Variants in NR5A2 observed in about 807,000 individuals in gnomAD.
The protein encoded by NR5A2 is CYP7A promoter-binding factor.
NR5A2 carries 26 observed loss-of-function variants against 62.7 expected under a neutral mutation model. The ratio of observed to expected loss-of-function variants is 0.41; its 90% confidence interval spans 0.30 to 0.58. The LOEUF is 0.58. Ranked by LOEUF, NR5A2 falls within the 20% of genes least tolerant of loss-of-function variation. The pLI, the probability that NR5A2 is intolerant of heterozygous loss-of-function variation, is 0.22. For synonymous variants in NR5A2, 246 were observed against 241.7 expected, an observed-to-expected ratio of 1.02 and a Z score of -0.16; for missense variants, 541 against 669.1, an observed-to-expected ratio of 0.81 and a Z score of 2.11.
Position 200,052,891 on chromosome 1 carries a change from T to C in NR5A2, c.1110+4073T>C, listed in dbSNP as rs555987660. ...TCCTGACCTTGCGATCCGCCCGCCT[T>C]GGCCTCCCAAAGTTCTGGGATTATA... On this transcript the variant is annotated intron_variant, in intron 5 of 7. Transcript: ENST00000367362. Among the ~76,000 whole-genome samples the C allele has an allele frequency of 5.6e-4, 85 of 152,300 alleles. 1 individual carries two copies. Among genetic ancestry groups the C allele is most frequent in the East Asian group, 1.7e-3 (9 of 5,174 alleles).
chr1:200,100,205 C>T (rs1400346117), intron 5 of NR5A2, among the ~76,000 whole-genome samples: 3 of 152,208 alleles, frequency 2.0e-5, no homozygotes, highest in African/African-American at 4.8e-5. Context: ...AGAGAAGGCA[C>T]TGGAAAATAT....
chr1:200,100,669 C>T (rs887622683), intron 5 of NR5A2, among the ~76,000 whole-genome samples: 2 of 152,182 alleles, frequency 1.3e-5, no homozygotes, highest in African/African-American at 4.8e-5. Context: ...ACACTGAGGG[C>T]ATTCAAAAGA....
At position 200,147,420 on chromosome 1, in the gene NR5A2, C is replaced by T; in HGVS notation, c.1378+26465C>T. ...TGTATGGGTCTGGGCGAGATGCAGGCAGCTTATCTGTTTATGGGGCTGCCT... is the reference window on the plus strand; with the variant it reads ...TGTATGGGTCTGGGCGAGATGCAGGTAGCTTATCTGTTTATGGGGCTGCCT... On this transcript the variant is annotated intron_variant, in intron 7 of 7. Coordinates refer to ENST00000367362, the MANE Select transcript of NR5A2 (RefSeq NM_205860.3). The surrounding 1 kb of genome is among the most constrained non-coding windows in gnomAD (Gnocchi z 4.9). 2.1e-6 allele frequency: 1 copy of T among 469,018 alleles called. No individual in the cohort carries two copies. The highest frequency in any genetic ancestry group is 1.8e-5 in the South Asian group (1 of 56,728). 29.1% of individuals were successfully genotyped at this position (469,018 alleles called of 1,614,324 possible). A position where few individuals can be genotyped will look rare whatever the true frequency, so the allele number is the denominator to read the frequency against.
Position 200,048,547 on chromosome 1 carries a change from C to CCATAATGG in NR5A2, c.839_840insCATAATGG (p.Pro281IlefsTer7). 6.2e-7 allele frequency: 1 copy of CCATAATGG among 1,614,174 alleles called. No homozygotes were observed. The highest frequency in any genetic ancestry group is 8.5e-7 in the Non-Finnish European group (1 of 1,180,040). ...GAGTACCCAGACCCCTATACCAGCT[C>CCATAATGG]ACCCGAGTCCATAATGGGCTATTCA... On this transcript the variant is annotated frameshift_variant, in exon 5 of 8. Coordinates refer to ENST00000367362, the MANE Select transcript of NR5A2 (RefSeq NM_205860.3). LOFTEE classifies it high-confidence loss of function. The surrounding 1 kb of genome is among the most constrained non-coding windows in gnomAD (Gnocchi z 4.8).
chr1:200,123,781 A>T (rs1571516581), intron 7 of NR5A2, among the ~76,000 whole-genome samples: 1 of 130,902 alleles, frequency 7.6e-6, no homozygotes, highest in Non-Finnish European at 1.6e-5. Context: ...TATTCCTGGC[A>T]TGCTGTGATT....
At chr1:200,060,611 C>G (rs1663158836) in intron 5 of NR5A2, among the ~76,000 whole-genome samples, 1 of 152,174 alleles carries the variant, frequency 6.6e-6, no homozygotes, top group Admixed American at 6.5e-5. Flanking sequence ...GGGTTTCTGT[C>G]CATGACAAGG....
At chr1:200,125,483 G>A (rs1230726648) in intron 7 of NR5A2, among the ~76,000 whole-genome samples, 2 of 152,140 alleles carry the variant, frequency 1.3e-5, no homozygotes, top group African/African-American at 4.8e-5. Context: ...GTTGCCTCAG[G>A]GAATGACTCA....
At chr1:200,104,542 G>A (rs1398383641) in intron 5 of NR5A2, among the ~76,000 whole-genome samples, 8 of 152,206 alleles carry the variant, frequency 5.3e-5, no homozygotes, top group Admixed American at 3.9e-4. Context: ...GTTACAAAAA[G>A]AGATGGAAAT....
intron 7 of NR5A2, among the ~76,000 whole-genome samples, chr1:200,127,740 T>C (rs1666791298): frequency 1.0e-5 from 1 of 97,388 alleles, no homozygotes; most frequent in Non-Finnish European, 2.0e-5. Flanking sequence ...ATGGTATCCA[T>C]CAGATGCAAA....
At chr1:200,109,331 C>A (rs1326950779) in intron 5 of NR5A2, among the ~76,000 whole-genome samples, 3 of 152,180 alleles carry the variant, frequency 2.0e-5, no homozygotes. Flanking sequence ...ACATGATCCT[C>A]CAGTTGGGAG....
chr1:200,131,425 T>C (rs1666966175), intron 7 of NR5A2, among the ~76,000 whole-genome samples: 1 of 152,238 alleles, frequency 6.6e-6, no homozygotes, highest in African/African-American at 2.4e-5. Context: ...GAATACCTTA[T>C]GCCTAAAAAT....
intron 5 of NR5A2, among the ~76,000 whole-genome samples, chr1:200,082,599 CTTA>C (rs1365340892): frequency 1.3e-5 from 2 of 152,104 alleles, no homozygotes; most frequent in Non-Finnish European, 2.9e-5. Context: ...ATTACAAATA[CTTA>C]TTATTTGGAA....
intron 5 of NR5A2, among the ~76,000 whole-genome samples, chr1:200,086,205 C>T (rs1386607604): frequency 6.6e-6 from 1 of 152,152 alleles, no homozygotes; most frequent in Non-Finnish European, 1.5e-5. Context: ...TTTCTGCCTT[C>T]CTTTAATTAC....
At chr1:200,160,227 T>C (rs937921878) in intron 7 of NR5A2, among the ~76,000 whole-genome samples, 2 of 152,230 alleles carry the variant, frequency 1.3e-5, no homozygotes, top group African/African-American at 4.8e-5. Flanking sequence ...TTCTTTAAAA[T>C]GCTGAATTAT....
intron 7 of NR5A2, among the ~76,000 whole-genome samples, chr1:200,152,129 G>A (rs1439920975): frequency 1.3e-5 from 2 of 152,184 alleles, no homozygotes; most frequent in African/African-American, 4.8e-5. Flanking sequence ...TGTATGAACT[G>A]ATAGTCTGGG....
chr1:200,043,391 C>T (rs1052775563), intron 2 of NR5A2, among the ~76,000 whole-genome samples: 2 of 152,216 alleles, frequency 1.3e-5, no homozygotes, highest in African/African-American at 4.8e-5. Flanking sequence ...TGTTTCTCTA[C>T]CTTAGGCGAA....
At chr1:200,091,448 G>C (rs1664808313) in intron 5 of NR5A2, among the ~76,000 whole-genome samples, 1 of 149,272 alleles carries the variant, frequency 6.7e-6, no homozygotes, top group African/African-American at 2.5e-5. Context: ...TACCAGACCT[G>C]TCTGATTTTG....
chr1:200,104,522 T>C (rs1411644918), intron 5 of NR5A2, among the ~76,000 whole-genome samples: 1 of 152,186 alleles, frequency 6.6e-6, no homozygotes, highest in Non-Finnish European at 1.5e-5. Context: ...CTTCTATAAA[T>C]GTCATCATTG....
chr1:200,093,121 G>A (rs1450545468), intron 5 of NR5A2, among the ~76,000 whole-genome samples: 1 of 151,864 alleles, frequency 6.6e-6, no homozygotes, highest in Non-Finnish European at 1.5e-5. Context: ...GGTCAGGCTG[G>A]TCTTGAACAC....
Sources: gnomAD v4.1 joint callset for allele counts (sites outside exome capture counted in the v4.1 genomes callset) on GRCh38, gnomAD v4.1.1 for gene constraint, Gnocchi (gnomAD v3.1) non-coding constraint, MANE v1.5 for transcripts, NCBI Gene and HGNC (gene_info 2026-07-23, HGNC 2026-07-21) for gene names.